Variants in ATG7 observed in about 807,000 individuals in gnomAD.
ATG7 encodes ubiquitin-like modifier-activating enzyme ATG7.
Under a neutral mutation model 82.4 loss-of-function variants are expected in ATG7, and 70 were observed. The observed-to-expected ratio is 0.85, with a 90% CI of 0.70 to 1.04. The LOEUF (loss-of-function observed/expected upper bound fraction) is 1.04, where lower values mean the gene tolerates loss of function less well. Ranked by LOEUF, ATG7 falls within the 50% of genes least tolerant of loss-of-function variation. The pLI is 0.00. For synonymous variants in ATG7, 287 were observed against 313.0 expected (o/e 0.92, Z 0.88); for missense variants, 792 against 864.3 (o/e 0.92, Z 1.05).
chr3:11,430,516 A>G (rs943246226), intron 20 of ATG7, among the ~76,000 whole-genome samples: 2 of 152,170 alleles, frequency 1.3e-5, no homozygotes, highest in East Asian at 3.8e-4. Context: ...TGGGTTAACT[A>G]TTTACATCAA....
chr3:11,498,533 C>G (rs2091045534), intron 20 of ATG7, among the ~76,000 whole-genome samples: 1 of 152,184 alleles, frequency 6.6e-6, no homozygotes, highest in Non-Finnish European at 1.5e-5. Context: ...GATTAATCTT[C>G]CAAAAACATT....
chr3:11,367,201 C>T (rs772568825), intron 18 of ATG7, among the ~76,000 whole-genome samples: 1 of 152,084 alleles, frequency 6.6e-6, no homozygotes, highest in East Asian at 1.9e-4. Flanking sequence ...AGGGGACCAT[C>T]GTTTCCACGT....
chr3:11,276,789 C>T (rs1168681208), intron 1 of ATG7, among the ~76,000 whole-genome samples: 2 of 152,110 alleles, frequency 1.3e-5, no homozygotes, highest in Non-Finnish European at 2.9e-5. Flanking sequence ...TTTGCCAAGA[C>T]TCTGCCCTCT....
In ATG7 at chr3:11,555,967, G is replaced by A. The variant is rs1045371687; in HGVS notation, c.*1124G>A. On this transcript the variant is annotated 3_prime_UTR_variant, in exon 21 of 21. Transcript: ENST00000693202. The stretch of plus-strand genomic sequence containing the variant: ...GTAGCCAGTCCAAGTTCCAGTGGCT[G>A]TCGTTCAGCTCATGGGAGCTTCATG... 6.5e-6 allele frequency: 1 copy of A among 152,706 alleles called. No individual in the cohort carries two copies. Among genetic ancestry groups the A allele is most frequent in the Admixed American group, 6.5e-5 (1 of 15,282 alleles). 9.5% of individuals were successfully genotyped at this position (152,706 alleles called of 1,614,324 possible).
At chr3:11,433,289 T>TTA (rs1491123146) in intron 20 of ATG7, among the ~76,000 whole-genome samples, 1 of 83,802 alleles carries the variant, frequency 1.2e-5, no homozygotes, top group Non-Finnish European at 2.3e-5. Flanking sequence ...GTCTCTTATT[T>TTA]AAAAAAAAAA....
chr3:11,558,404 G>T, downstream of ATG7: 1 of 1,289,724 alleles, frequency 7.8e-7, no homozygotes, highest in Non-Finnish European at 1.0e-6. Context: ...TACAAAAACA[G>T]AACACAAATC....
chr3:11,431,174 G>C (rs552551098), intron 20 of ATG7, among the ~76,000 whole-genome samples: 44 of 152,342 alleles, frequency 2.9e-4, no homozygotes, highest in Non-Finnish European at 5.9e-4. Context: ...GGCCGAGGTG[G>C]GTGGATCACT....
intron 19 of ATG7, among the ~76,000 whole-genome samples, chr3:11,388,657 T>C (rs1259200883): frequency 6.6e-6 from 1 of 152,052 alleles, no homozygotes; most frequent in Admixed American, 6.5e-5. Context: ...CTGGATCTCC[T>C]GACCTCATGA....
At chr3:11,368,229 TAAAAAAAA>T (rs760208581) in intron 18 of ATG7, among the ~76,000 whole-genome samples, 13 of 109,350 alleles carry the variant, frequency 1.2e-4, no homozygotes, top group Admixed American at 2.9e-4. Flanking sequence ...TTCTTTTACT[TAAAAAAAA>T]AAAAAAAAAA....
intron 20 of ATG7, among the ~76,000 whole-genome samples, chr3:11,471,148 G>T (rs1343992858): frequency 2.6e-5 from 4 of 152,106 alleles, no homozygotes; most frequent in African/African-American, 9.7e-5. Flanking sequence ...ACACACATAT[G>T]AATATGTTAC....
intron 7 of ATG7, among the ~76,000 whole-genome samples, chr3:11,312,252 T>C (rs964168144): frequency 6.6e-6 from 1 of 152,172 alleles, no homozygotes; most frequent in African/African-American, 2.4e-5. Context: ...GAAATATTAA[T>C]TAGCTACATA....
chr3:11,447,652 A>G (rs935830443), intron 20 of ATG7, among the ~76,000 whole-genome samples: 31 of 152,294 alleles, frequency 2.0e-4, no homozygotes, highest in African/African-American at 6.0e-4. Flanking sequence ...AGCAAGAAAC[A>G]TGGACTCGGG....
intron 20 of ATG7, among the ~76,000 whole-genome samples, chr3:11,534,541 A>G (rs1447064641): frequency 6.6e-6 from 1 of 152,210 alleles, no homozygotes; most frequent in Non-Finnish European, 1.5e-5. Flanking sequence ...GTTCTTCCTG[A>G]ATGTGCGTCC....
chr3:11,432,592 C>A (rs1386557247), intron 20 of ATG7, among the ~76,000 whole-genome samples: 1 of 151,954 alleles, frequency 6.6e-6, no homozygotes, highest in South Asian at 2.1e-4. Context: ...CAGAAATCAC[C>A]ACTAAAGAAC....
chr3:11,400,184 A>G (rs545250953), intron 19 of ATG7, among the ~76,000 whole-genome samples: 1 of 152,326 alleles, frequency 6.6e-6, no homozygotes, highest in African/African-American at 2.4e-5. Flanking sequence ...TCCAATTAGT[A>G]GAGGTAACCT....
intron 20 of ATG7, among the ~76,000 whole-genome samples, chr3:11,449,475 G>A (rs1410843894): frequency 6.6e-6 from 1 of 152,192 alleles, no homozygotes; most frequent in African/African-American, 2.4e-5. Context: ...AGGAGAGAGA[G>A]ATTGAGATTG....
At chr3:11,278,392 T>C (rs1284165537) in intron 1 of ATG7, among the ~76,000 whole-genome samples, 1 of 152,270 alleles carries the variant, frequency 6.6e-6, no homozygotes, top group African/African-American at 2.4e-5. Context: ...TATATGTCCA[T>C]ATTAAAATGA....
downstream of ATG7, among the ~76,000 whole-genome samples, chr3:11,560,002 C>T (rs924288854): frequency 6.6e-6 from 1 of 152,142 alleles, no homozygotes; most frequent in African/African-American, 2.4e-5. Flanking sequence ...TGTGGAACGG[C>T]ACACATCCCA....
chr3:11,469,287 T>G (rs1476584882), intron 20 of ATG7, among the ~76,000 whole-genome samples: 1 of 152,030 alleles, frequency 6.6e-6, no homozygotes, highest in Non-Finnish European at 1.5e-5. Context: ...CCATCTCTAC[T>G]AAGAATACAA....
Sources: gnomAD v4.1 joint callset for allele counts (sites outside exome capture counted in the v4.1 genomes callset) on GRCh38, gnomAD v4.1.1 for gene constraint, MANE v1.5 for transcripts, NCBI Gene and HGNC (gene_info 2026-07-23, HGNC 2026-07-21) for gene names.